FASTKD3: variants seen among roughly 807,000 people sequenced by gnomAD.
FASTKD3 encodes the protein FAST kinase domains 3.
Under a neutral mutation model 49.7 loss-of-function variants are expected in FASTKD3, and 47 were observed. The ratio of observed to expected loss-of-function variants is 0.95; its 90% CI spans 0.75 to 1.21. The LOEUF (loss-of-function observed/expected upper bound fraction) is 1.21. FASTKD3 is among the 50% of genes most tolerant of loss of function. FASTKD3 has a pLI of 0.00. For missense variants in FASTKD3, 748 were observed against 765.7 expected (o/e 0.98, Z 0.27); for synonymous variants, 284 against 288.6 (o/e 0.98, Z 0.16).
At chr5:7,862,389 T>A (rs1014602530) in intron 4 of FASTKD3, among the ~76,000 whole-genome samples, 9 of 152,104 alleles carry the variant, frequency 5.9e-5, no homozygotes, top group African/African-American at 2.2e-4. Context: ...AGGAATTGAA[T>A]TTTCTTAAAC....
chr5:7,868,831 G>A (rs533072967), intron 1 of FASTKD3, 148 bp downstream of exon 1: 122 of 515,608 alleles, frequency 2.4e-4, no homozygotes, highest in Non-Finnish European at 4.0e-4. Flanking sequence ...AGGAATGAAA[G>A]GGACCCGCGG....
At chr5:7,865,855 GCACC>G (rs1403224065) in intron 3 of FASTKD3, 39 bp downstream of exon 3, 15 of 1,428,474 alleles carry the variant, frequency 1.1e-5, no homozygotes, top group Non-Finnish European at 1.5e-5. Flanking sequence ...AAAGGAAACT[GCACC>G]CATGGGGAAA....
Position 7,868,207 on chromosome 5 carries a change from A to G in FASTKD3, c.-113-11T>C. 1.8e-6 allele frequency: 1 copy of G among 561,124 alleles called. No homozygotes were observed. The highest frequency in any genetic ancestry group is 2.9e-6 in the Non-Finnish European group (1 of 344,152). The allele number at this position is 561,124 out of a possible 1,614,324, so 34.8% of individuals were successfully genotyped here. On this transcript the variant is annotated splice_polypyrimidine_tract_variant and intron_variant, in intron 1 of 6. Transcript: ENST00000264669. Reference sequence around the variant, plus strand: ...ACTACAAACGAGTATCTGGAAAAAAAAAAAAAAAAAAAAAAAGGATGGTTA... The same window carrying G: ...ACTACAAACGAGTATCTGGAAAAAAGAAAAAAAAAAAAAAAAGGATGGTTA...
chr5:7,866,034 T>G (rs934178083), intron 2 of FASTKD3, 51 bp from the exon 3 acceptor site: 2 of 1,340,038 alleles, frequency 1.5e-6, no homozygotes, highest in South Asian at 1.2e-5. Context: ...GAGGTATGTA[T>G]GAGAGAACAT....
intron 4 of FASTKD3, among the ~76,000 whole-genome samples, chr5:7,862,497 A>C (rs1312953381): frequency 6.6e-6 from 1 of 152,192 alleles, no homozygotes; most frequent in Non-Finnish European, 1.5e-5. Context: ...ATTAGTGAGC[A>C]TTTCCTACGT....
At position 7,866,956 on chromosome 5, in the gene FASTKD3, C is replaced by A. The variant is rs369728205; in HGVS notation, c.1128G>T (p.Glu376Asp). The A allele has an allele frequency of 8.7e-6, 14 of 1,614,064 alleles. No homozygotes were observed. The African/African-American group carries it at 1.6e-4, about 18-fold the overall frequency. ...AAAGAATCAGTTCTCTACTGCAGTA[C>A]TCCATGACCCTGCAGACAACTTCAG... ...LDPEVVCRVM[E>D]YCSRELILSK... Residue 376 changes from glutamate to aspartate, a missense_variant, in exon 2 of 7, where the codon GAG becomes GAT. Coordinates refer to ENST00000264669, the MANE Select transcript of FASTKD3 (RefSeq NM_024091.4).
chr5:7,867,899 C>A lies in FASTKD3; in HGVS notation c.185G>T (p.Cys62Phe). The A allele has an allele frequency of 6.2e-7, 1 of 1,614,112 alleles. No homozygotes were observed. Among genetic ancestry groups the A allele is most frequent in the South Asian group, 1.1e-5 (1 of 91,068 alleles). The part of the protein sequence containing the change: ...PFGVKFHHAH[C>F]KKFHSKNGND... The stretch of plus-strand genomic sequence containing the variant: ...TCCATTTTTCGAATGAAACTTTTTA[C>A]AATGGGCATGATGGAATTTGACCCC... Residue 62 changes from cysteine (C) to phenylalanine (F), a missense_variant, in exon 2 of 7, where the codon TGT (cysteine) becomes TTT (phenylalanine). By Grantham distance (205) the Cys-to-Phe change is radical (BLOSUM62 -2). This residue lies in a region of FASTKD3 where 564 missense variants were observed against 562.8 expected (regional missense o/e 1.00). Coordinates refer to ENST00000264669, the MANE Select transcript of FASTKD3 (RefSeq NM_024091.4).
Position 7,867,066 on chromosome 5 carries a change from C to A in FASTKD3, c.1018G>T (p.Ala340Ser), listed in dbSNP as rs371410384. Reference protein sequence around the residue: ...TNEELRRVLEAFIYFGHHDTF... With the variant: ...TNEELRRVLESFIYFGHHDTF... ...TCATGGTGCCCAAAATATATGAACG[C>A]CTCCAAGACTCTCCTAAGCTCCTCG... Residue 340 changes from alanine to serine, a missense_variant, in exon 2 of 7, where the codon GCG becomes TCG. Around this residue, in one of 3 missense-constraint regions of FASTKD3, gnomAD observed 564 missense variants for 562.8 expected, o/e 1.00. Coordinates refer to ENST00000264669, the MANE Select transcript of FASTKD3 (RefSeq NM_024091.4). The A allele has an allele frequency of 5.6e-6, 9 of 1,614,062 alleles. No homozygotes were observed. In the African/African-American group the frequency reaches 1.2e-4, roughly 22 times the overall value.
rs761798590 is a variant in FASTKD3, at chr5:7,868,004, T to A, written c.80A>T (p.Asn27Ile). The change falls in exon 2 of 7, where the codon AAT (asparagine) becomes ATT (isoleucine). Residue 27 changes from asparagine to isoleucine, a missense_variant. By Grantham distance (149) the Asn-to-Ile change is moderately radical. Coordinates refer to ENST00000264669, the MANE Select transcript of FASTKD3 (RefSeq NM_024091.4). ...CTTGTGAACATGATTTAGAGGTTTA[T>A]TTTTTAAAGCAGCCAGAGCTCTATG... ...QMHRALAALK[N>I]KPLNHVHKVV... The A allele has an allele frequency of 1.9e-6, 3 of 1,614,116 alleles. No homozygotes were observed. The highest frequency in any genetic ancestry group is 3.3e-5 in the Admixed American group (2 of 60,022).
At position 7,865,982 on chromosome 5, in the gene FASTKD3, ACCTGAAACAGAAAGCATCCCAGTCATAGT is replaced by A; in HGVS notation, c.1439-28_1439del. ...TCAATGTGTCCAAATGAGATTCTTT[ACCTGAAACAGAAAGCATCCCAGTCATAGT>A]TACGTCTGAATTGAGGTATGTATGA... On this transcript the variant is annotated splice_acceptor_variant and splice_polypyrimidine_tract_variant and coding_sequence_variant and intron_variant, in exon 3 of 7. Transcript: ENST00000264669. LOFTEE classifies it high-confidence loss of function. 1 of 1,613,256 alleles carries A rather than the reference ACCTGAAACAGAAAGCATCCCAGTCATAGT, an allele frequency of 6.2e-7. No homozygotes were observed. Among genetic ancestry groups the A allele is most frequent in the Non-Finnish European group, 8.5e-7 (1 of 1,179,338 alleles).
At position 7,868,986 on chromosome 5, in the gene FASTKD3, T is replaced by C. The variant is rs1326835457; in HGVS notation, c.-121A>G. 10 of 907,910 alleles carry C rather than the reference T, an allele frequency of 1.1e-5. No homozygotes were observed. In the African/African-American group the frequency reaches 1.5e-4, roughly 13 times the overall value. 56.2% of individuals were successfully genotyped at this position (907,910 alleles called of 1,614,324 possible). Reference sequence around the variant, plus strand: ...CCCCGCGTTGACACCTACCGCGCTCTGCCGGGCAATCACTCCGGGTGGTCG... The same window carrying C: ...CCCCGCGTTGACACCTACCGCGCTCCGCCGGGCAATCACTCCGGGTGGTCG... On this transcript the variant is annotated 5_prime_UTR_variant, in exon 1 of 7. Transcript: ENST00000264669.
rs1295661904 is a variant in FASTKD3 at position 7,867,979 on chromosome 5, C to G, written c.105G>C (p.Lys35Asn). 1 of 1,614,102 alleles carries G rather than the reference C, an allele frequency of 6.2e-7. No individual in the cohort carries two copies. Among genetic ancestry groups the G allele is most frequent in the Admixed American group, 1.7e-5 (1 of 60,018 alleles). ...AAGGGCACAGACGCTCCTTGACTAC[C>G]TTGTGAACATGATTTAGAGGTTTAT... ...LKNKPLNHVH[K>N]VVKERLCPWL... Residue 35 changes from lysine to asparagine, a missense_variant, in exon 2 of 7, where the codon AAG (lysine) becomes AAC (asparagine). By Grantham distance (94) the Lys-to-Asn change is moderately conservative (BLOSUM62 0). Around this residue, in one of 3 missense-constraint regions of FASTKD3, gnomAD observed 564 missense variants for 562.8 expected, o/e 1.00. Transcript: ENST00000264669.
In FASTKD3 at chr5:7,867,929, G is replaced by A. The variant is rs1422042649; in HGVS notation, c.155C>T (p.Pro52Leu). 2 of 1,614,002 alleles carry A rather than the reference G, an allele frequency of 1.2e-6. No homozygotes were observed. Among genetic ancestry groups the A allele is most frequent in the African/African-American group, 1.3e-5 (1 of 74,880 alleles). The change falls in exon 2 of 7, where the codon CCT becomes CTT. Residue 52 changes from proline to leucine, a missense_variant. Coordinates refer to ENST00000264669, the MANE Select transcript of FASTKD3 (RefSeq NM_024091.4). ...GGCATGATGGAATTTGACCCCGAAAGGCTCAGGTTGTCGTGAACACAACCA... is the reference window on the plus strand; with the variant it reads ...GGCATGATGGAATTTGACCCCGAAAAGCTCAGGTTGTCGTGAACACAACCA... ...CPWLCSRQPEPFGVKFHHAHC... is the reference protein window; with the variant it reads ...CPWLCSRQPELFGVKFHHAHC...
Position 7,867,118 on chromosome 5 carries a change from G to A in FASTKD3, c.966C>T (p.Val322=), listed in dbSNP as rs753494038. The change falls in exon 2 of 7, where the codon GTC becomes GTT. Residue 322 remains valine, a synonymous_variant. Transcript: ENST00000264669. ...FPLIIKLGKY[V]VRHVPHFTNE... is the part of the protein sequence containing the mutation. ...TAGTGAAATGTGGGACATGCCTCAC[G>A]ACATATTTGCCCAATTTTATAATCA... 40 of 1,613,978 alleles carry A rather than the reference G, an allele frequency of 2.5e-5. No homozygotes were observed. Among genetic ancestry groups the A allele is most frequent in the Non-Finnish European group, 2.9e-5 (34 of 1,180,038 alleles).
Position 7,866,721 on chromosome 5 carries a change from A to G in FASTKD3, c.1363T>C (p.Cys455Arg). 6.2e-7 allele frequency: 1 copy of G among 1,613,520 alleles called. No individual in the cohort carries two copies. Among genetic ancestry groups the G allele is most frequent in the Non-Finnish European group, 8.5e-7 (1 of 1,179,852 alleles). The change falls in exon 2 of 7, where the codon TGT becomes CGT. Residue 455 changes from cysteine (C) to arginine (R), a missense_variant. By Grantham distance (180) the Cys-to-Arg change is radical (BLOSUM62 -3). Transcript: ENST00000264669. ...ACTGGATGGCATTCATTAAGTGAAC[A>G]TGAATGAAGAAGTTTCAATAATGAT... is the stretch of plus-strand genomic sequence containing the variant. Reference protein sequence around the residue: ...PKSLLKLLHSCSLNECHPVNF... With the variant: ...PKSLLKLLHSRSLNECHPVNF...
chr5:7,867,038 G>A lies in FASTKD3; in HGVS notation c.1046C>T (p.Thr349Ile), dbSNP rs755502556. 3.1e-6 allele frequency: 5 copies of A among 1,614,196 alleles called. No homozygotes were observed. The highest frequency in any genetic ancestry group is 4.5e-5 in the East Asian group (2 of 44,880). ...ATGCTCTAGGGCTTTTGTAAAAAAT[G>A]TGTCATGGTGCCCAAAATATATGAA... ...EAFIYFGHHD[T>I]FFTKALEHRV... Residue 349 changes from threonine to isoleucine, a missense_variant, in exon 2 of 7, where the codon ACA becomes ATA. Thr to Ile is a moderately conservative substitution (Grantham distance 89, BLOSUM62 -1). Coordinates refer to ENST00000264669, the MANE Select transcript of FASTKD3 (RefSeq NM_024091.4).
chr5:7,864,010 C>T (rs942591929), intron 3 of FASTKD3, among the ~76,000 whole-genome samples: 11 of 152,020 alleles, frequency 7.2e-5, no homozygotes, highest in South Asian at 6.2e-4. Flanking sequence ...CCATCATGCC[C>T]GGCTAATTTT....
At position 7,867,996 on chromosome 5, in the gene FASTKD3, G is replaced by A; in HGVS notation, c.88C>T (p.Leu30=). The A allele has an allele frequency of 6.2e-7, 1 of 1,614,130 alleles. No individual in the cohort carries two copies. The highest frequency in any genetic ancestry group is 8.5e-7 in the Non-Finnish European group (1 of 1,180,022). Residue 30 remains leucine (L), a synonymous_variant, in exon 2 of 7, where the codon CTA becomes TTA. Transcript: ENST00000264669. ...TTGACTACCTTGTGAACATGATTTAGAGGTTTATTTTTTAAAGCAGCCAGA... is the reference window on the plus strand; with the variant it reads ...TTGACTACCTTGTGAACATGATTTAAAGGTTTATTTTTTAAAGCAGCCAGA... ...RALAALKNKP[L]NHVHKVVKER... is the part of the protein sequence containing the mutation.
At chr5:7,863,241 CAGAA>C (rs1201387379) in intron 3 of FASTKD3, 1 of 447,402 alleles carries the variant, frequency 2.2e-6, no homozygotes, top group Non-Finnish European at 4.0e-6. Flanking sequence ...TTACCATAAA[CAGAA>C]AGAAAAGTAA....
Sources: allele counts gnomAD v4.1 joint callset (sites outside exome capture counted in the v4.1 genomes callset), GRCh38; gene constraint gnomAD v4.1.1; regional missense constraint gnomAD v4.1.1; transcripts MANE v1.5; gene names NCBI Gene and HGNC (gene_info 2026-07-23, HGNC 2026-07-21).